Variants in NAV1 observed in about 807,000 individuals in gnomAD.
The protein encoded by NAV1 is pore membrane and/or filament interacting like protein 3.
NAV1 carries 18 observed loss-of-function variants against 175.2 expected under a neutral mutation model. That is an observed-to-expected ratio of 0.10 (90% CI 0.07 to 0.15). The LOEUF (loss-of-function observed/expected upper bound fraction) is 0.15. Ranked by LOEUF, NAV1 falls within the 10% of genes least tolerant of loss-of-function variation. NAV1 has a pLI of 1.00. For missense variants in NAV1, 1,731 were observed against 2,436.6 expected (o/e 0.71, Z 6.10); for synonymous variants, 897 against 978.7 (o/e 0.92, Z 1.56).
At position 201,615,499 on chromosome 1, in the gene NAV1, G is replaced by A. The variant is rs140839630; in HGVS notation, c.-32-7354G>A. Among the ~76,000 whole-genome samples the A allele has an allele frequency of 1.3e-3, 191 of 152,150 alleles. 1 individual carries two copies. The East Asian group carries it at 0.02, about 16-fold the overall frequency. On this transcript the variant is annotated intron_variant, in intron 2 of 33. Coordinates refer to the NAV1 transcript ENST00000685211. ...AGGCTGGTTTTGAACCCCTGACCTC[G>A]TGATCCACCCACCTTGACCTCCCAA...
chr1:201,820,123 G>C, exon 30 of NAV1: 2 of 564,762 alleles, frequency 3.5e-6, no homozygotes, highest in Non-Finnish European at 6.2e-6. Flanking sequence ...GGAAGGAATG[G>C]TGGGGTGGCG....
chr1:201,664,459 T>G (rs982598885), intron 1 of NAV1, among the ~76,000 whole-genome samples: 1 of 152,258 alleles, frequency 6.6e-6, no homozygotes, highest in African/African-American at 2.4e-5. Flanking sequence ...AAATAATATC[T>G]GTCTCATAGG....
Position 201,668,633 on chromosome 1 carries a change from C to T in NAV1, c.757+19208C>T, listed in dbSNP as rs186159734. 2.6e-5 allele frequency among the ~76,000 whole-genome samples: 4 copies of T among 151,528 alleles called. No individual in the cohort carries two copies. In the East Asian group the frequency reaches 5.8e-4, roughly 22 times the overall value. On this transcript the variant is annotated intron_variant, in intron 1 of 29. Coordinates refer to ENST00000367296, the Ensembl canonical transcript of NAV1. ...TGGTGCTGGGCGTGGGTCGATGCAG[C>T]CCCCCACCCCACTGCTTGGAAGGTT...
intron 21 of NAV1, 37 bp from the exon 26 acceptor site, chr1:201,809,405 G>A (rs1313242380): frequency 6.2e-7 from 1 of 1,609,824 alleles, no homozygotes; most frequent in South Asian, 1.1e-5. Context: ...GTCATCTGCA[G>A]TGAAGCTCAA....
At chr1:201,706,939 G>A (rs995713615) in intron 1 of NAV1, among the ~76,000 whole-genome samples, 1 of 152,130 alleles carries the variant, frequency 6.6e-6, no homozygotes, top group Non-Finnish European at 1.5e-5. Context: ...TATTACCCTC[G>A]GTTGAAGGCT....
rs781278331 is a variant in NAV1, at chr1:201,788,503, C to T, written c.3031C>T (p.Arg1011Cys). 9.3e-6 allele frequency: 15 copies of T among 1,614,166 alleles called. No individual in the cohort carries two copies. Among genetic ancestry groups the T allele is most frequent in the East Asian group, 2.2e-5 (1 of 44,878 alleles). Reference sequence around the variant, plus strand: ...TGCGGCCACCACGCCAAGAATCACCCGCTCCAACAGCATCCCCACCCACGA... The same window carrying T: ...TGCGGCCACCACGCCAAGAATCACCTGCTCCAACAGCATCCCCACCCACGA... The change falls in exon 10 of 30, where the codon CGC becomes TGC. Residue 1011 changes from arginine to cysteine, a missense_variant. Transcript: ENST00000367296. The surrounding 1 kb of genome is among the most constrained non-coding windows in gnomAD (Gnocchi z 5.7).
At chr1:201,719,116 TC>T (rs752587715) in intron 3 of NAV1, among the ~76,000 whole-genome samples, 5 of 150,776 alleles carry the variant, frequency 3.3e-5, no homozygotes, top group Non-Finnish European at 5.9e-5. Context: ...TTATGCGAAC[TC>T]TGTGTAGACC....
At chr1:201,780,978 A>G (rs769867512) in intron 4 of NAV1, 34 bp from the exon 9 acceptor site, 39 of 1,560,928 alleles carry the variant, frequency 2.5e-5, no homozygotes, top group Non-Finnish European at 3.4e-5. Flanking sequence ...TCTGCATAGA[A>G]GTATCTCACT....
rs778876537 is a variant in NAV1 at position 201,788,532 on chromosome 1, G to T, written c.3060G>T (p.Ala1020=). The stretch of plus-strand genomic sequence containing the variant: ...CCAACAGCATCCCCACCCACGAGGC[G>T]GCCTTCGAGCTGTACAGCGGCTCCC... The change falls in exon 10 of 30, where the codon GCG becomes GCT. Residue 1020 remains alanine (A), a synonymous_variant. Coordinates refer to ENST00000367296, the Ensembl canonical transcript of NAV1. The surrounding 1 kb of genome is among the most constrained non-coding windows in gnomAD (Gnocchi z 5.7). 1 of 1,614,094 alleles carries T rather than the reference G, an allele frequency of 6.2e-7. No homozygotes were observed. Among genetic ancestry groups the T allele is most frequent in the Non-Finnish European group, 8.5e-7 (1 of 1,180,004 alleles).
chr1:201,667,360 T>G (rs1292665012), intron 1 of NAV1, among the ~76,000 whole-genome samples: 3 of 152,150 alleles, frequency 2.0e-5, no homozygotes, highest in Non-Finnish European at 4.4e-5. Context: ...TGGCAGATGT[T>G]CTCTGGAGCT....
chr1:201,808,257 C>A lies in NAV1; in HGVS notation c.3845+108C>A. 2 of 1,420,048 alleles carry A rather than the reference C, an allele frequency of 1.4e-6. No individual in the cohort carries two copies. Among genetic ancestry groups the A allele is most frequent in the Non-Finnish European group, 1.9e-6 (2 of 1,033,520 alleles). The allele number at this position is 1,420,048 out of a possible 1,614,324, so 88.0% of individuals were successfully genotyped here. On this transcript the variant is annotated intron_variant, in intron 18 of 29. Transcript: ENST00000367296. This position sits in a 1 kb window ranked among gnomAD's most constrained non-coding sequence, Gnocchi z 5.5. ...TAGACAAGCAGTACTTATTACTGAC[C>A]TCTCCCTGGGCATATGAGACCAACA...
chr1:201,566,534 G>A (rs1046954578), intron 1 of NAV1, among the ~76,000 whole-genome samples: 6 of 152,140 alleles, frequency 3.9e-5, no homozygotes, highest in East Asian at 1.9e-4. Flanking sequence ...ACAGCCCCTC[G>A]AGTTCTAGGG....
At chr1:201,742,197 G>A (rs754096607) in intron 3 of NAV1, among the ~76,000 whole-genome samples, 1 of 152,164 alleles carries the variant, frequency 6.6e-6, no homozygotes, top group Non-Finnish European at 1.5e-5. Context: ...CTCTGGGGAG[G>A]GCTCAAAACT....
At chr1:201,696,331 C>T (rs546033670) in intron 1 of NAV1, among the ~76,000 whole-genome samples, 48 of 152,298 alleles carry the variant, frequency 3.2e-4, no homozygotes, top group African/African-American at 1.1e-3. Context: ...ATTAGGCAGT[C>T]GAGAGCAGCC....
At chr1:201,670,380 CAAAAAAAAAA>C (rs58216500) in intron 1 of NAV1, among the ~76,000 whole-genome samples, 12 of 12,186 alleles carry the variant, frequency 9.8e-4, no homozygotes, top group Admixed American at 3.6e-3. Flanking sequence ...GACTCCATCT[CAAAAAAAAAA>C]AAAAAAAAAA....
chr1:201,784,505 C>A (rs961953637), intron 7 of NAV1, among the ~76,000 whole-genome samples: 1 of 151,824 alleles, frequency 6.6e-6, no homozygotes, highest in Non-Finnish European at 1.5e-5. Flanking sequence ...CCCCTCCCTT[C>A]CCCCTATATG....
intron 1 of NAV1, among the ~76,000 whole-genome samples, chr1:201,580,202 C>T (rs1460207529): frequency 6.6e-6 from 1 of 152,200 alleles, no homozygotes; most frequent in Non-Finnish European, 1.5e-5. Flanking sequence ...TGGGTGAAGA[C>T]AGATCTTCCT....
At position 201,779,493 on chromosome 1, in the gene NAV1, G is replaced by C. The variant is rs368183648; in HGVS notation, c.1227-928G>C. On this transcript the variant is annotated intron_variant, in intron 3 of 29. Coordinates refer to ENST00000367296, the Ensembl canonical transcript of NAV1. ...GGTGCCTGTAATCCCAGCTTCTTGA[G>C]AGGCTGAAGCAGGAGAATTGCTTGA... 8.1e-5 allele frequency among the ~76,000 whole-genome samples: 12 copies of C among 148,712 alleles called. No individual in the cohort carries two copies. The East Asian group carries it at 1.2e-3, about 15-fold the overall frequency.
At chr1:201,556,106 A>G (rs1443706174) in intron 1 of NAV1, among the ~76,000 whole-genome samples, 1 of 152,178 alleles carries the variant, frequency 6.6e-6, no homozygotes, top group Admixed American at 6.5e-5. Flanking sequence ...AAGGACAAAC[A>G]GTATAACGCT....
Sources: allele counts gnomAD v4.1 joint callset (sites outside exome capture counted in the v4.1 genomes callset), GRCh38; gene constraint gnomAD v4.1.1; non-coding constraint Gnocchi (gnomAD v3.1); transcripts MANE v1.5; gene names NCBI Gene and HGNC (gene_info 2026-07-23, HGNC 2026-07-21).